KCNQ5: variants seen among roughly 807,000 people sequenced by gnomAD.
KCNQ5 encodes the protein potassium voltage-gated channel subfamily KQT member 5.
A neutral mutation model predicts 98.2 loss-of-function variants in KCNQ5; 30 were observed. The observed-to-expected ratio is 0.31, with a 90% CI of 0.23 to 0.41. KCNQ5 has a LOEUF of 0.41. Among genes scored for constraint, KCNQ5 ranks in the 10% least tolerant of loss-of-function variants. KCNQ5 has a pLI of 1.00. For synonymous variants in KCNQ5, 458 were observed against 449.4 expected (o/e 1.02, Z -0.24); for missense variants, 835 against 1,182.5 (o/e 0.71, Z 4.31).
intron 1 of KCNQ5, among the ~76,000 whole-genome samples, chr6:72,641,968 T>G (rs971326237): frequency 6.6e-6 from 1 of 151,812 alleles, no homozygotes; most frequent in Non-Finnish European, 1.5e-5. Context: ...TTTGAATATC[T>G]ACAATCTTTT....
intron 3 of KCNQ5, chr6:73,055,414 A>G (rs2150369659): frequency 6.6e-7 from 1 of 1,519,970 alleles, no homozygotes. Context: ...AACATAGTGA[A>G]GCCCAGGTGA....
chr6:72,975,717 A>C (rs549395814), intron 1 of KCNQ5, among the ~76,000 whole-genome samples: 3 of 152,152 alleles, frequency 2.0e-5, no homozygotes, highest in Non-Finnish European at 4.4e-5. Context: ...CTGCTGTTTT[A>C]GTCACTTCAC....
intron 1 of KCNQ5, among the ~76,000 whole-genome samples, chr6:72,790,274 C>G (rs6453605): frequency 0.6 from 90,872 of 151,934 alleles, 27,192 homozygotes; most frequent in Admixed American, 0.65. Context: ...GATAAGGCCA[C>G]TAAAGCCCAG....
chr6:72,978,103 C>T (rs747230394), intron 1 of KCNQ5, among the ~76,000 whole-genome samples: 4 of 152,164 alleles, frequency 2.6e-5, no homozygotes, highest in Non-Finnish European at 5.9e-5. Context: ...GCTGTTTGCT[C>T]AGAGGAAAAT....
chr6:72,988,649 CTTT>C (rs71540364), intron 1 of KCNQ5, among the ~76,000 whole-genome samples: 1 of 127,868 alleles, frequency 7.8e-6, no homozygotes, highest in Non-Finnish European at 1.6e-5. Flanking sequence ...GCATGATTTT[CTTT>C]TTTTTTTTTT....
intron 1 of KCNQ5, among the ~76,000 whole-genome samples, chr6:72,758,035 G>T (rs1279065475): frequency 6.6e-6 from 1 of 151,962 alleles, no homozygotes; most frequent in South Asian, 2.1e-4. Context: ...CAGAGCCTCA[G>T]TCTAAGTGCT....
intron 1 of KCNQ5, among the ~76,000 whole-genome samples, chr6:72,836,221 A>G (rs1776496846): frequency 6.6e-6 from 1 of 152,230 alleles, no homozygotes; most frequent in Admixed American, 6.5e-5. Flanking sequence ...GATGAGCTTC[A>G]TTAGATTATC....
At chr6:72,638,685 A>G (rs905712689) in intron 1 of KCNQ5, among the ~76,000 whole-genome samples, 2 of 152,058 alleles carry the variant, frequency 1.3e-5, no homozygotes, top group African/African-American at 4.8e-5. Context: ...CCACACTGCA[A>G]TCTTAGTATA....
chr6:72,766,345 G>A (rs1290776993), intron 1 of KCNQ5, among the ~76,000 whole-genome samples: 2 of 151,960 alleles, frequency 1.3e-5, no homozygotes, highest in Admixed American at 6.6e-5. Flanking sequence ...ACCATAACAC[G>A]GCCTTTGAAT....
At chr6:72,972,050 C>A (rs1767927904) in intron 1 of KCNQ5, among the ~76,000 whole-genome samples, 1 of 152,020 alleles carries the variant, frequency 6.6e-6, no homozygotes, top group Non-Finnish European at 1.5e-5. Context: ...TAAGTAGAAA[C>A]AGGGACAATG....
intron 1 of KCNQ5, among the ~76,000 whole-genome samples, chr6:72,755,148 G>T (rs894196322): frequency 1.3e-5 from 2 of 151,928 alleles, no homozygotes; most frequent in Non-Finnish European, 2.9e-5. Context: ...TAGTAATACA[G>T]TCACTCCAGC....
chr6:72,792,884 A>G lies in KCNQ5; in HGVS notation c.398+170297A>G, dbSNP rs140293023. 5.9e-5 allele frequency among the ~76,000 whole-genome samples: 9 copies of G among 152,334 alleles called. No homozygotes were observed. The East Asian group carries it at 1.7e-3, about 29-fold the overall frequency. On this transcript the variant is annotated intron_variant, in intron 1 of 13. Coordinates refer to ENST00000370398, the MANE Select transcript of KCNQ5 (RefSeq NM_019842.4). ...AGAGGAATTTTTGGAAGAATATGGA[A>G]TACTTTATCATGGGTTGCAAATATT...
At chr6:73,192,126 C>A (rs993180186) in intron 12 of KCNQ5, among the ~76,000 whole-genome samples, 1 of 152,184 alleles carries the variant, frequency 6.6e-6, no homozygotes, top group Non-Finnish European at 1.5e-5. Flanking sequence ...GTATCTTCTC[C>A]AACTTGAACT....
At chr6:73,126,686 T>G (rs2150447658) in intron 9 of KCNQ5, among the ~76,000 whole-genome samples, 1 of 152,288 alleles carries the variant, frequency 6.6e-6, no homozygotes, top group South Asian at 2.1e-4. Context: ...AATTTCTTGC[T>G]TCTCTGTGGT....
At chr6:72,749,666 C>T (rs553104437) in intron 1 of KCNQ5, among the ~76,000 whole-genome samples, 49 of 152,100 alleles carry the variant, frequency 3.2e-4, no homozygotes, top group Middle Eastern at 3.4e-3. Context: ...TGGAAAAATA[C>T]AAGGCACAAA....
At chr6:72,997,245 G>C (rs1029513622) in intron 1 of KCNQ5, among the ~76,000 whole-genome samples, 3 of 152,102 alleles carry the variant, frequency 2.0e-5, no homozygotes, top group African/African-American at 7.2e-5. Context: ...AGGTGAGAAG[G>C]CATGCTCCAT....
intron 1 of KCNQ5, among the ~76,000 whole-genome samples, chr6:72,949,928 C>T (rs1345265636): frequency 6.6e-6 from 1 of 151,636 alleles, no homozygotes; most frequent in East Asian, 1.9e-4. Context: ...CCCTTTTTTT[C>T]AAAATGCTAT....
intron 3 of KCNQ5, among the ~76,000 whole-genome samples, chr6:73,073,296 T>C (rs144928411): frequency 9.8e-5 from 15 of 152,324 alleles, no homozygotes; most frequent in Non-Finnish European, 1.0e-4. Context: ...TAATATCATC[T>C]ACTACATAGG....
In KCNQ5 at chr6:73,190,662, G is replaced by A. The variant is rs1765561142; in HGVS notation, c.1667G>A (p.Gly556Asp). ...GATGTCATTGAACAATATTCTGCTG[G>A]TCATCTGGACATGTTGTGTAGAATT... ...VKDVIEQYSA[G>D]HLDMLCRIKS... The change falls in exon 12 of 14, where the codon GGT becomes GAT. Residue 556 changes from glycine to aspartate, a missense_variant. Transcript: ENST00000370398. 1 of 1,598,060 alleles carries A rather than the reference G, an allele frequency of 6.3e-7. No individual in the cohort carries two copies. The highest frequency in any genetic ancestry group is 8.5e-7 in the Non-Finnish European group (1 of 1,170,728).
Sources: allele counts gnomAD v4.1 joint callset (sites outside exome capture counted in the v4.1 genomes callset), GRCh38; gene constraint gnomAD v4.1.1; transcripts MANE v1.5; gene names NCBI Gene and HGNC (gene_info 2026-07-23, HGNC 2026-07-21).